TMEM232: variants seen among roughly 807,000 people sequenced by gnomAD.
TMEM232 encodes transmembrane protein 232.
TMEM232 carries 80 observed loss-of-function variants against 78.8 expected under a neutral mutation model. The ratio of observed to expected loss-of-function variants is 1.01; its 90% CI spans 0.85 to 1.22. The LOEUF (loss-of-function observed/expected upper bound fraction) is 1.22, where lower values mean the gene tolerates loss of function less well. TMEM232 is among the 50% of genes most tolerant of loss of function. The pLI is 0.00. For synonymous variants in TMEM232, 297 were observed against 254.3 expected (o/e 1.17, Z -1.60); for missense variants, 881 against 742.2 (o/e 1.19, Z -2.17).
At chr5:110,690,349 T>C (rs1793963282) in intron 1 of TMEM232, among the ~76,000 whole-genome samples, 1 of 152,080 alleles carries the variant, frequency 6.6e-6, no homozygotes, top group African/African-American at 2.4e-5. Context: ...AAGACATATA[T>C]GTGGTCAAAA....
In TMEM232 at chr5:110,420,889, A is replaced by C. The variant is rs1284352326; in HGVS notation, c.1798-133T>G. On this transcript the variant is annotated intron_variant, in intron 13 of 13. Coordinates refer to ENST00000455884, the MANE Select transcript of TMEM232 (RefSeq NM_001039763.4). Reference sequence around the variant, plus strand: ...TTCCATGACATTCCTCAAAAATTTTATATCTACCACACTGGCAAAACACAT... The same window carrying C: ...TTCCATGACATTCCTCAAAAATTTTCTATCTACCACACTGGCAAAACACAT... 4.9e-6 allele frequency: 6 copies of C among 1,220,784 alleles called. No homozygotes were observed. In the African/African-American group the frequency reaches 9.7e-5, roughly 20 times the overall value. The allele number at this position is 1,220,784 out of a possible 1,614,324, so 75.6% of individuals were successfully genotyped here. A position where few individuals can be genotyped will look rare whatever the true frequency, so the allele number is the denominator to read the frequency against.
chr5:110,391,055 T>A (rs1755158947), intron 3 of TMEM232, among the ~76,000 whole-genome samples: 1 of 152,176 alleles, frequency 6.6e-6, no homozygotes, highest in African/African-American at 2.4e-5. Flanking sequence ...TTAGACCTTT[T>A]GTTTGTTTAT....
intron 12 of TMEM232, among the ~76,000 whole-genome samples, chr5:110,524,411 GAAAGAAAAGAAAAGA>G (rs202226775): frequency 1.6e-4 from 10 of 61,462 alleles, no homozygotes; most frequent in East Asian, 1.3e-3. Context: ...AAGAAAGAAA[GAAAGAAAAGAAAAGA>G]AAAGAAAAGA....
intron 1 of TMEM232, among the ~76,000 whole-genome samples, chr5:110,717,190 G>A (rs901288883): frequency 7.7e-5 from 11 of 142,022 alleles, no homozygotes; most frequent in Non-Finnish European, 1.5e-4. Flanking sequence ...CCCACCCCCC[G>A]CCACATACAC....
chr5:110,531,119 G>T (rs1267357917), intron 11 of TMEM232, among the ~76,000 whole-genome samples: 1 of 151,998 alleles, frequency 6.6e-6, no homozygotes, highest in East Asian at 1.9e-4. Flanking sequence ...TGGCTCAAAA[G>T]CTCCCCTACT....
intron 5 of TMEM232, 51 bp downstream of exon 5, chr5:110,638,147 C>A: frequency 7.3e-7 from 1 of 1,363,108 alleles, no homozygotes; most frequent in Non-Finnish European, 1.0e-6. Flanking sequence ...CATGTTGTTA[C>A]ATGTAGTATG....
chr5:110,618,897 T>C (rs1783283107), intron 7 of TMEM232, among the ~76,000 whole-genome samples: 1 of 152,152 alleles, frequency 6.6e-6, no homozygotes, highest in Non-Finnish European at 1.5e-5. Context: ...TCCCTGACAC[T>C]TGAGAAAGAA....
intron 2 of TMEM232, among the ~76,000 whole-genome samples, chr5:110,649,129 T>G (rs749778582): frequency 3.3e-5 from 5 of 152,038 alleles, no homozygotes; most frequent in African/African-American, 9.7e-5. Flanking sequence ...ACTGCAACTA[T>G]ACAAACAATA....
Position 110,704,778 on chromosome 5 carries a change from T to C in TMEM232, c.-13+21849A>G, listed in dbSNP as rs547528570. On this transcript the variant is annotated intron_variant, in intron 1 of 13. Coordinates refer to ENST00000455884, the MANE Select transcript of TMEM232 (RefSeq NM_001039763.4). Reference sequence around the variant, plus strand: ...ATCCAGGAAGTTCTTCCCAATTCCATGCCTGATTGGGCAGTTTTTAATACT... The same window carrying C: ...ATCCAGGAAGTTCTTCCCAATTCCACGCCTGATTGGGCAGTTTTTAATACT... Among the ~76,000 whole-genome samples the C allele has an allele frequency of 1.2e-4, 18 of 152,242 alleles. 1 individual carries two copies. Among genetic ancestry groups the C allele is most frequent in the Admixed American group, 9.2e-4 (14 of 15,280 alleles).
intron 12 of TMEM232, among the ~76,000 whole-genome samples, chr5:110,494,015 G>A (rs1215477687): frequency 6.6e-6 from 1 of 152,054 alleles, no homozygotes; most frequent in Non-Finnish European, 1.5e-5. Flanking sequence ...AGAACATGCG[G>A]TGTTGGTTTT....
chr5:110,682,713 G>A (rs1304663903), intron 1 of TMEM232, among the ~76,000 whole-genome samples: 2 of 151,970 alleles, frequency 1.3e-5, no homozygotes. Flanking sequence ...TTTCTGCTAT[G>A]ACCTCAGCTT....
chr5:110,656,838 T>TA (rs1301001343), intron 2 of TMEM232, among the ~76,000 whole-genome samples: 1,709 of 131,576 alleles, frequency 0.013, 41 homozygotes, highest in African/African-American at 0.044. Context: ...ACTCCATCTC[T>TA]AAAAAAAAAA....
chr5:110,595,495 T>C (rs973606306), intron 10 of TMEM232, among the ~76,000 whole-genome samples: 2 of 152,152 alleles, frequency 1.3e-5, no homozygotes, highest in African/African-American at 4.8e-5. Context: ...AGGAGCATGT[T>C]CTAACCCAAT....
At chr5:110,540,441 A>G (rs1025969969) in intron 11 of TMEM232, among the ~76,000 whole-genome samples, 53 of 152,146 alleles carry the variant, frequency 3.5e-4, no homozygotes, top group African/African-American at 1.2e-3. Context: ...CTCTTAGAAA[A>G]CCCAGATGTA....
chr5:110,536,953 C>A (rs1772438150), intron 11 of TMEM232, among the ~76,000 whole-genome samples: 1 of 152,148 alleles, frequency 6.6e-6, no homozygotes, highest in Non-Finnish European at 1.5e-5. Context: ...GTGGAGGGAA[C>A]CATTCCAAAG....
At chr5:110,628,563 T>C (rs1486445464) in intron 5 of TMEM232, among the ~76,000 whole-genome samples, 1 of 151,824 alleles carries the variant, frequency 6.6e-6, no homozygotes, top group African/African-American at 2.4e-5. Flanking sequence ...TCTGCAACAT[T>C]TTACAGAAAA....
At chr5:110,640,197 G>C (rs1429334505) in intron 4 of TMEM232, among the ~76,000 whole-genome samples, 1 of 152,132 alleles carries the variant, frequency 6.6e-6, no homozygotes, top group Non-Finnish European at 1.5e-5. Flanking sequence ...CTGTGATGAA[G>C]GACCATAAAG....
intron 12 of TMEM232, among the ~76,000 whole-genome samples, chr5:110,451,283 A>C (rs1428861610): frequency 6.6e-6 from 1 of 152,202 alleles, no homozygotes; most frequent in East Asian, 1.9e-4. Context: ...CTTGAGAGCA[A>C]GAATATTTTC....
At chr5:110,499,644 C>T (rs868868064) in intron 12 of TMEM232, among the ~76,000 whole-genome samples, 1,570 of 147,204 alleles carry the variant, frequency 0.011, 28 homozygotes, top group African/African-American at 0.039. Context: ...CCCACACACA[C>T]ACATATATAT....
Sources: allele counts gnomAD v4.1 joint callset (sites outside exome capture counted in the v4.1 genomes callset), GRCh38; gene constraint gnomAD v4.1.1; transcripts MANE v1.5; gene names NCBI Gene and HGNC (gene_info 2026-07-23, HGNC 2026-07-21).